CRADD: variants seen among roughly 807,000 people sequenced by gnomAD.
CRADD encodes the protein CARD and death domain containing adaptor protein, also known as death domain-containing protein CRADD.
In CRADD, 9 loss-of-function variants were observed where a neutral mutation model predicts 15.5. The ratio of observed to expected loss-of-function variants is 0.58; its 90% CI spans 0.35 to 1.01. The LOEUF is 1.01. CRADD is among the 50% of genes least tolerant of loss of function. The pLI is 0.02. For synonymous variants in CRADD, 118 were observed against 107.6 expected (o/e 1.10, Z -0.60); for missense variants, 227 against 250.3 (o/e 0.91, Z 0.63).
rs189276618 is a variant in CRADD at position 93,874,004 on chromosome 12, G to A, written c.299-20046G>A. Among the ~76,000 whole-genome samples, 12 of 152,190 alleles carry A rather than the reference G, an allele frequency of 7.9e-5. No homozygotes were observed. The East Asian group carries it at 2.3e-3, about 29-fold the overall frequency. On this transcript the variant is annotated intron_variant, in intron 2 of 2. Transcript: ENST00000548483. ...CCCTCCTCCTCTATTTTTCAGAATA[G>A]TTTGAGTAGGATTAGTATTAGTTCT...
At chr12:93,823,181 A>G (rs1016078538) in intron 2 of CRADD, among the ~76,000 whole-genome samples, 13 of 152,000 alleles carry the variant, frequency 8.6e-5, no homozygotes, top group Admixed American at 2.6e-4. Flanking sequence ...AATCCTAGCT[A>G]CTCAGGAGGC....
chr12:93,718,465 G>C (rs1252557608), intron 2 of CRADD, among the ~76,000 whole-genome samples: 3 of 152,112 alleles, frequency 2.0e-5, no homozygotes, highest in African/African-American at 7.2e-5. Context: ...CTTGGTCATT[G>C]CTGGTATATG....
intron 2 of CRADD, among the ~76,000 whole-genome samples, chr12:93,719,052 G>A (rs961848658): frequency 6.6e-6 from 1 of 152,136 alleles, no homozygotes; most frequent in Non-Finnish European, 1.5e-5. Flanking sequence ...GGGTCACTGT[G>A]CCTGGCTGAC....
chr12:93,726,094 G>GTTTTTTTTTTTTTTTTTTTTTTT (rs1165429350), intron 2 of CRADD, among the ~76,000 whole-genome samples: 16 of 96,008 alleles, frequency 1.7e-4, no homozygotes, highest in Non-Finnish European at 2.2e-4. Flanking sequence ...AAATAGTTTA[G>GTTTTTTTTTTTTTTTTTTTTTTT]TTTTTTTTTT....
At chr12:93,859,477 A>G in intron 2 of CRADD, 2 of 417,056 alleles carry the variant, frequency 4.8e-6, no homozygotes, top group Non-Finnish European at 9.6e-6. Flanking sequence ...TTGGCATCAA[A>G]CTGTGAAAGA....
intron 2 of CRADD, among the ~76,000 whole-genome samples, chr12:93,842,479 G>A (rs941329623): frequency 6.6e-6 from 1 of 152,172 alleles, no homozygotes. Flanking sequence ...CTCCTGGAAA[G>A]GTGTACGTTG....
chr12:93,827,859 C>T (rs1403450381), intron 2 of CRADD, among the ~76,000 whole-genome samples: 1 of 152,130 alleles, frequency 6.6e-6, no homozygotes, highest in Non-Finnish European at 1.5e-5. Context: ...GAAAGCATAC[C>T]TGTTGAACAG....
At chr12:93,787,305 G>GTTTTTTTTTTTTTTTTTTTTTTTTT (rs34146137) in intron 2 of CRADD, among the ~76,000 whole-genome samples, 1 of 124,744 alleles carries the variant, frequency 8.0e-6, no homozygotes, top group Non-Finnish European at 1.6e-5. Context: ...GTATGACAGG[G>GTTTTTTTTTTTTTTTTTTTTTTTTT]TTTTTTTTTT....
chr12:93,758,763 A>G (rs568825943), intron 2 of CRADD, among the ~76,000 whole-genome samples: 2 of 152,250 alleles, frequency 1.3e-5, no homozygotes, highest in East Asian at 3.9e-4. Flanking sequence ...ATCTGATACC[A>G]TTTTATATTG....
intron 2 of CRADD, chr12:93,816,212 A>G (rs1957694772): frequency 6.6e-6 from 1 of 151,976 alleles, no homozygotes; most frequent in South Asian, 2.1e-4. Flanking sequence ...TTATTTATTT[A>G]TTTACTTATT....
intron 2 of CRADD, among the ~76,000 whole-genome samples, chr12:93,827,499 A>G (rs1325444494): frequency 6.6e-6 from 1 of 152,212 alleles, no homozygotes; most frequent in East Asian, 1.9e-4. Context: ...GCTATTACAA[A>G]TAAAGCTGCC....
chr12:93,845,798 C>T (rs1958107730), intron 2 of CRADD, among the ~76,000 whole-genome samples: 1 of 152,106 alleles, frequency 6.6e-6, no homozygotes, highest in African/African-American at 2.4e-5. Flanking sequence ...GTAAAATGTA[C>T]ATAACATAGA....
chr12:93,882,497 C>CGT (rs907183082), intron 2 of CRADD, among the ~76,000 whole-genome samples: 6 of 151,480 alleles, frequency 4.0e-5, no homozygotes, highest in Admixed American at 6.6e-5. Flanking sequence ...CCCCCACCCC[C>CGT]GTGTGTGTGT....
At chr12:93,714,223 G>T (rs1565883770) in intron 2 of CRADD, among the ~76,000 whole-genome samples, 1 of 152,218 alleles carries the variant, frequency 6.6e-6, no homozygotes, top group East Asian at 1.9e-4. Context: ...TAATGAGGTT[G>T]TTTAGAGGGA....
chr12:93,830,147 C>A (rs1957877082), intron 2 of CRADD, among the ~76,000 whole-genome samples: 1 of 152,176 alleles, frequency 6.6e-6, no homozygotes, highest in African/African-American at 2.4e-5. Flanking sequence ...ATCCCAGTGC[C>A]ACCACCTACT....
At chr12:93,825,843 A>G (rs1230720726) in intron 2 of CRADD, among the ~76,000 whole-genome samples, 1 of 152,246 alleles carries the variant, frequency 6.6e-6, no homozygotes, top group African/African-American at 2.4e-5. Flanking sequence ...AGACAGGCAT[A>G]TCGGCAACAT....
At chr12:93,748,627 T>C (rs189241201) in intron 2 of CRADD, among the ~76,000 whole-genome samples, 95 of 151,940 alleles carry the variant, frequency 6.3e-4, no homozygotes, top group Non-Finnish European at 1.2e-3. Flanking sequence ...TTCTTAAGCG[T>C]TGAGTATGGC....
At chr12:93,826,423 G>C (rs1227370945) in intron 2 of CRADD, among the ~76,000 whole-genome samples, 1 of 152,174 alleles carries the variant, frequency 6.6e-6, no homozygotes, top group South Asian at 2.1e-4. Flanking sequence ...AAGTGCTGCA[G>C]CCTCTGGAAT....
At chr12:93,840,494 T>C (rs1044269245) in intron 2 of CRADD, among the ~76,000 whole-genome samples, 1 of 152,222 alleles carries the variant, frequency 6.6e-6, no homozygotes, top group Non-Finnish European at 1.5e-5. Flanking sequence ...TAGGTCATAT[T>C]GTCTGAAAAT....
Sources: allele counts gnomAD v4.1 joint callset (sites outside exome capture counted in the v4.1 genomes callset), GRCh38; gene constraint gnomAD v4.1.1; transcripts MANE v1.5; gene names NCBI Gene and HGNC (gene_info 2026-07-23, HGNC 2026-07-21).